Variants in CACNA1D observed in about 807,000 individuals in gnomAD.
The protein encoded by CACNA1D is voltage-dependent L-type calcium channel subunit alpha-1D.
CACNA1D carries 55 observed loss-of-function variants against 257.1 expected under a neutral mutation model. The ratio of observed to expected loss-of-function variants is 0.21; its 90% CI spans 0.17 to 0.27. The LOEUF is 0.27. Among genes scored for constraint, CACNA1D ranks in the 10% least tolerant of loss-of-function variants. CACNA1D has a pLI of 1.00. For synonymous variants in CACNA1D, 980 were observed against 1,014.9 expected, an observed-to-expected ratio of 0.97 and a Z score of 0.65; for missense variants, 1,876 against 2,784.0, an observed-to-expected ratio of 0.67 and a Z score of 7.34.
At chr3:53,516,159 T>TA (rs2091324917) in intron 3 of CACNA1D, among the ~76,000 whole-genome samples, 1 of 152,230 alleles carries the variant, frequency 6.6e-6, no homozygotes. Context: ...AGCTCTCATT[T>TA]ACCAGAAGGC....
chr3:53,774,758 T>TAACCTG lies in CACNA1D; in HGVS notation c.4202+80_4202+81insAACCTG. The stretch of plus-strand genomic sequence containing the variant: ...GGTCCAGAGGGACGGAGGACACAGG[T>TAACCTG]TATTAAAGCAGTGTGCCTTTCTCAG... On this transcript the variant is annotated intron_variant, in intron 34 of 47. Transcript: ENST00000350061. This position sits in a 1 kb window ranked among gnomAD's most constrained non-coding sequence, Gnocchi z 4.3. 1 of 814,278 alleles carries TAACCTG rather than the reference T, an allele frequency of 1.2e-6. No homozygotes were observed. The highest frequency in any genetic ancestry group is 2.2e-6 in the Non-Finnish European group (1 of 460,120). 50.4% of individuals were successfully genotyped at this position (814,278 alleles called of 1,614,324 possible).
Position 53,810,103 on chromosome 3 carries a change from CCT to C in CACNA1D, c.5998_5999del (p.Leu2000AspfsTer90). The C allele has an allele frequency of 6.2e-7, 1 of 1,614,030 alleles. No homozygotes were observed. Among genetic ancestry groups the C allele is most frequent in the Non-Finnish European group, 8.5e-7 (1 of 1,180,040 alleles). On this transcript the variant is annotated frameshift_variant, in exon 47 of 48. Coordinates refer to ENST00000350061, the MANE Select transcript of CACNA1D (RefSeq NM_001128840.3). LOFTEE classifies it high-confidence loss of function. ...GGGACTGGACACCGTGCTACACCCC[CCT>C]GATCCAAGTGGAGCAGTCAGAGGCC... ...YRDWTPCYTPLIQVEQSEALD... is the reference protein window; with the variant it reads ...YRDWTPCYTPXIQVEQSEALD...
At chr3:53,767,731 T>C (rs1041915083) in intron 30 of CACNA1D, among the ~76,000 whole-genome samples, 4 of 152,198 alleles carry the variant, frequency 2.6e-5, no homozygotes, top group Admixed American at 2.6e-4. Flanking sequence ...CCCCTTTTCA[T>C]TGGGCTGACA....
At chr3:53,681,869 A>G (rs1420646732) in intron 8 of CACNA1D, among the ~76,000 whole-genome samples, 1 of 152,104 alleles carries the variant, frequency 6.6e-6, no homozygotes, top group East Asian at 1.9e-4. Flanking sequence ...AAGCTAGGGC[A>G]AGGGTATTCT....
In CACNA1D at chr3:53,495,543, C is replaced by T. The variant is rs112240103; in HGVS notation, c.67+310C>T. ...AGTGTCCTCGGGCTCAACTTTCCTT[C>T]AACGCCCCCGAGCGATGGCAGGAGG... On this transcript the variant is annotated intron_variant, in intron 1 of 47. Coordinates refer to ENST00000350061, the MANE Select transcript of CACNA1D (RefSeq NM_001128840.3). The surrounding 1 kb of genome is among the most constrained non-coding windows in gnomAD (Gnocchi z 5.1). Among the ~76,000 whole-genome samples, 25 of 152,300 alleles carry T rather than the reference C, an allele frequency of 1.6e-4. No individual in the cohort carries two copies. The highest frequency in any genetic ancestry group is 6.0e-4 in the African/African-American group (25 of 41,578).
intron 3 of CACNA1D, among the ~76,000 whole-genome samples, chr3:53,587,047 C>T (rs542482077): frequency 6.6e-6 from 1 of 152,252 alleles, no homozygotes; most frequent in East Asian, 1.9e-4. Context: ...GGGGCCCCAT[C>T]TCAGTGGGCC....
intron 20 of CACNA1D, among the ~76,000 whole-genome samples, chr3:53,738,748 G>A (rs568633318): frequency 4.0e-5 from 6 of 151,858 alleles, no homozygotes; most frequent in Admixed American, 1.3e-4. Context: ...AACCTTAGCC[G>A]AATTCTTAGT....
chr3:53,586,243 G>A lies in CACNA1D; in HGVS notation c.484-64536G>A, dbSNP rs577261378. On this transcript the variant is annotated intron_variant, in intron 3 of 47. Transcript: ENST00000350061. Reference sequence around the variant, plus strand: ...AGGAATTCATGCAGAGGAGAGGAGAGGGCTTTTCCACTGACGTTTCCTTGC... The same window carrying A: ...AGGAATTCATGCAGAGGAGAGGAGAAGGCTTTTCCACTGACGTTTCCTTGC... 7.9e-5 allele frequency among the ~76,000 whole-genome samples: 12 copies of A among 151,972 alleles called. 1 individual carries two copies. In the South Asian group the frequency reaches 2.3e-3, roughly 29 times the overall value.
intron 3 of CACNA1D, among the ~76,000 whole-genome samples, chr3:53,603,253 T>A (rs1034774399): frequency 6.6e-6 from 1 of 152,072 alleles, no homozygotes; most frequent in Non-Finnish European, 1.5e-5. Flanking sequence ...CTCTTTAGAG[T>A]GGGAATAATG....
At chr3:53,730,106 A>G (rs2108756889) in intron 15 of CACNA1D, among the ~76,000 whole-genome samples, 1 of 152,330 alleles carries the variant, frequency 6.6e-6, no homozygotes, top group African/African-American at 2.4e-5. Flanking sequence ...AGATTGTTTT[A>G]TAAAATGTAT....
chr3:53,673,196 T>A lies in CACNA1D; in HGVS notation c.1220+70T>A. Reference sequence around the variant, plus strand: ...GTTGCCAAGACCACACAAGCTTTGCTGGATGAGGGCCGCCAAGAGGGGTTG... The same window carrying A: ...GTTGCCAAGACCACACAAGCTTTGCAGGATGAGGGCCGCCAAGAGGGGTTG... On this transcript the variant is annotated intron_variant, in intron 8 of 47. Coordinates refer to ENST00000350061, the MANE Select transcript of CACNA1D (RefSeq NM_001128840.3). The surrounding 1 kb of genome is among the most constrained non-coding windows in gnomAD (Gnocchi z 4.1). 1.9e-6 allele frequency: 2 copies of A among 1,058,344 alleles called. No homozygotes were observed. The highest frequency in any genetic ancestry group is 2.8e-5 in the South Asian group (2 of 72,310). 65.6% of individuals were successfully genotyped at this position (1,058,344 alleles called of 1,614,324 possible). A position where few individuals can be genotyped will look rare whatever the true frequency, so the allele number is the denominator to read the frequency against.
chr3:53,541,876 C>T (rs2092306668), intron 3 of CACNA1D, among the ~76,000 whole-genome samples: 1 of 152,152 alleles, frequency 6.6e-6, no homozygotes, highest in African/African-American at 2.4e-5. Flanking sequence ...TCATTTAAGT[C>T]AAGGCAGCTG....
At position 53,745,656 on chromosome 3, in the gene CACNA1D, G is replaced by A. The variant is rs2095161437; in HGVS notation, c.3039G>A (p.Arg1013=). Residue 1013 remains arginine, a synonymous_variant, in exon 24 of 48, where the codon CGG becomes CGA. Coordinates refer to ENST00000350061, the MANE Select transcript of CACNA1D (RefSeq NM_001128840.3). ...HVVQCVFVAI[R]TIGNIMIVTT... ...TCCAGTGCGTCTTCGTGGCCATCCG[G>A]ACCATCGGCAACATCATGATCGTCA... 6.2e-7 allele frequency: 1 copy of A among 1,614,054 alleles called. No homozygotes were observed. Among genetic ancestry groups the A allele is most frequent in the Admixed American group, 1.7e-5 (1 of 60,016 alleles).
chr3:53,790,514 G>A (rs2095477949), intron 40 of CACNA1D, among the ~76,000 whole-genome samples: 1 of 152,248 alleles, frequency 6.6e-6, no homozygotes, highest in Non-Finnish European at 1.5e-5. Flanking sequence ...TCCATTGTAG[G>A]AAAGCTTTGG....
At chr3:53,744,888 C>A in intron 23 of CACNA1D, 61 bp downstream of exon 23, 1 of 900,682 alleles carries the variant, frequency 1.1e-6, no homozygotes, top group Non-Finnish European at 1.9e-6. Flanking sequence ...TAATTACTGG[C>A]TCTTCTGGGC....
intron 4 of CACNA1D, among the ~76,000 whole-genome samples, chr3:53,654,140 A>C (rs987233131): frequency 6.6e-6 from 1 of 152,178 alleles, no homozygotes; most frequent in African/African-American, 2.4e-5. Context: ...CTGTACCTCA[A>C]TCAGTGTTAA....
At chr3:53,634,533 TC>T (rs1158585090) in intron 3 of CACNA1D, among the ~76,000 whole-genome samples, 1 of 152,158 alleles carries the variant, frequency 6.6e-6, no homozygotes, top group Non-Finnish European at 1.5e-5. Flanking sequence ...TGCTAGTATG[TC>T]CCCTTGGTCC....
chr3:53,768,007 T>G (rs891608409), intron 30 of CACNA1D, among the ~76,000 whole-genome samples: 120 of 152,234 alleles, frequency 7.9e-4, no homozygotes, highest in African/African-American at 2.7e-3. Flanking sequence ...CCTTTTGTTC[T>G]TTTAAACAGA....
At chr3:53,696,188 G>A (rs990297073) in intron 8 of CACNA1D, among the ~76,000 whole-genome samples, 11 of 152,094 alleles carry the variant, frequency 7.2e-5, no homozygotes, top group East Asian at 1.9e-4. Context: ...TGCTGGTCTC[G>A]AACTCCTGGC....
Sources: gnomAD v4.1 joint callset for allele counts (sites outside exome capture counted in the v4.1 genomes callset) on GRCh38, gnomAD v4.1.1 for gene constraint, Gnocchi (gnomAD v3.1) non-coding constraint, MANE v1.5 for transcripts, NCBI Gene and HGNC (gene_info 2026-07-23, HGNC 2026-07-21) for gene names.